Variants in FGR observed in about 807,000 individuals in gnomAD.
FGR encodes tyrosine-protein kinase Fgr.
Under a neutral mutation model 63.2 loss-of-function variants are expected in FGR, and 26 were observed. The observed-to-expected ratio is 0.41, with a 90% CI of 0.30 to 0.57. FGR has a LOEUF of 0.57. FGR is among the 20% of genes least tolerant of loss of function. The pLI, the probability that FGR is intolerant of heterozygous loss-of-function variation, is 0.27. For missense variants in FGR, 511 were observed against 690.8 expected (o/e 0.74, Z 2.92); for synonymous variants, 286 against 277.7 (o/e 1.03, Z -0.30).
intron 2 of FGR, among the ~76,000 whole-genome samples, chr1:27,624,237 T>C (rs2089981144): frequency 1.3e-5 from 2 of 152,346 alleles, no homozygotes; most frequent in African/African-American, 4.8e-5. Context: ...ATTGCTTTGC[T>C]TTTTTTGTTT....
chr1:27,614,556 G>C lies in FGR; in HGVS notation c.1123C>G (p.Arg375Gly). 6.2e-7 allele frequency: 1 copy of C among 1,614,088 alleles called. No homozygotes were observed. The highest frequency in any genetic ancestry group is 8.5e-7 in the Non-Finnish European group (1 of 1,179,950). The stretch of plus-strand genomic sequence containing the variant: ...AGGTCGCGGTGAATGTAGTTCATGC[G>C]TTCCATGTAGGCCATGCCCTCAGCT... ...QVAEGMAYME[R>G]MNYIHRDLRA... The change falls in exon 11 of 13, where the codon CGC (arginine) becomes GGC (glycine). Residue 375 changes from arginine (R) to glycine (G), a missense_variant. Transcript: ENST00000374005.
At position 27,626,748 on chromosome 1, in the gene FGR, G is replaced by A. The variant is rs1429658533; in HGVS notation, c.-76-1597C>T. Among the ~76,000 whole-genome samples, 6 of 152,228 alleles carry A rather than the reference G, an allele frequency of 3.9e-5. 1 individual carries two copies. Among genetic ancestry groups the A allele is most frequent in the Admixed American group, 3.3e-4 (5 of 15,280 alleles). Reference sequence around the variant, plus strand: ...GGGATGAAACCACTGTGTCTAAAACGCCCCAGGATGCTACAGGGCTAGTTA... The same window carrying A: ...GGGATGAAACCACTGTGTCTAAAACACCCCAGGATGCTACAGGGCTAGTTA... On this transcript the variant is annotated intron_variant, in intron 1 of 12. Transcript: ENST00000374005.
intron 3 of FGR, 135 bp downstream of exon 3, chr1:27,623,556 C>T (rs1453220244): frequency 1.1e-6 from 1 of 883,286 alleles, no homozygotes; most frequent in Non-Finnish European, 1.8e-6. Context: ...CTCCCTCAGC[C>T]CATGTGATCT....
At chr1:27,621,960 A>G (rs1557734148) in intron 4 of FGR, among the ~76,000 whole-genome samples, 1 of 152,168 alleles carries the variant, frequency 6.6e-6, no homozygotes, top group Non-Finnish European at 1.5e-5. Context: ...ACTTCCCCAC[A>G]GAAAATGGCT....
rs780928549 is a variant in FGR at position 27,623,674 on chromosome 1, C to T, written c.226+17G>A. The T allele has an allele frequency of 6.2e-6, 10 of 1,613,128 alleles. No homozygotes were observed. Among genetic ancestry groups the T allele is most frequent in the East Asian group, 2.2e-5 (1 of 44,882 alleles). ...CCAGGATCCAGGCAGCTCCTGCCTC[C>T]GACCCCTTGGACTCACCTGACACAC... On this transcript the variant is annotated intron_variant, in intron 3 of 12. Coordinates refer to ENST00000374005, the MANE Select transcript of FGR (RefSeq NM_005248.3).
chr1:27,614,916 C>A lies in FGR; in HGVS notation c.1029G>T (p.Leu343=), dbSNP rs1422620866. ...VTEFMCHGSL[L]DFLKNPEGQD... ...GGCCCTCTGGGTTCTTGAGAAAATC[C>A]AGCAAGCTGCCTGGGAAGAAGCCAG... Residue 343 remains leucine (L), a synonymous_variant, in exon 10 of 13, where the codon CTG becomes CTT. Coordinates refer to ENST00000374005, the MANE Select transcript of FGR (RefSeq NM_005248.3). 1.3e-6 allele frequency: 2 copies of A among 1,597,768 alleles called. No homozygotes were observed. The highest frequency in any genetic ancestry group is 2.7e-5 in the African/African-American group (2 of 74,680).
intron 1 of FGR, among the ~76,000 whole-genome samples, chr1:27,627,049 T>C (rs2090032906): frequency 6.6e-6 from 1 of 152,072 alleles, no homozygotes; most frequent in Admixed American, 6.5e-5. Context: ...GGCACCCACC[T>C]GTAGTCCCAG....
chr1:27,619,969 A>AT lies in FGR; in HGVS notation c.428+1589dup, dbSNP rs199645493. Among the ~76,000 whole-genome samples the AT allele has an allele frequency of 6.3e-3, 960 of 152,230 alleles. 17 individuals carry two copies. Among genetic ancestry groups the AT allele is most frequent in the African/African-American group, 0.022 (911 of 41,516 alleles). On this transcript the variant is annotated intron_variant, in intron 5 of 12. Transcript: ENST00000374005. Reference sequence around the variant, plus strand: ...ATATGTATGACATTTGTGAGGATAGATTTTTAAAAGCTTTTTGAGCCTCAG... The same window carrying AT: ...ATATGTATGACATTTGTGAGGATAGATTTTTTAAAAGCTTTTTGAGCCTCAG...
Position 27,623,907 on chromosome 1 carries a change from C to G in FGR, c.10G>C (p.Val4Leu). Residue 4 changes from valine (V) to leucine (L), a missense_variant, in exon 3 of 13, where the codon GTG (valine) becomes CTG (leucine). By Grantham distance (32) the Val-to-Leu change is conservative. Transcript: ENST00000374005. ...ACCGGCTCCAATTTCTTGCAGAACACACAGCCCATTCCAGGTTCCCTGCTA... is the reference window on the plus strand; with the variant it reads ...ACCGGCTCCAATTTCTTGCAGAACAGACAGCCCATTCCAGGTTCCCTGCTA... The part of the protein sequence containing the change: MGC[V>L]FCKKLEPVAT... 1 of 1,596,790 alleles carries G rather than the reference C, an allele frequency of 6.3e-7. No individual in the cohort carries two copies. Among genetic ancestry groups the G allele is most frequent in the South Asian group, 1.1e-5 (1 of 89,206 alleles).
At position 27,615,148 on chromosome 1, in the gene FGR, C is replaced by A. The variant is rs113042902; in HGVS notation, c.1019-222G>T. On this transcript the variant is annotated intron_variant, in intron 9 of 12. Transcript: ENST00000374005. The surrounding 1 kb of genome is among the most constrained non-coding windows in gnomAD (Gnocchi z 7.6). ...TGTTCCTTGGTGTTCCGGACACGAC[C>A]CACCCAGACTCCGCCCCAGACCCTC... Among the ~76,000 whole-genome samples the A allele has an allele frequency of 5.9e-3, 896 of 152,110 alleles. 10 individuals carry two copies. Among genetic ancestry groups the A allele is most frequent in the African/African-American group, 0.021 (858 of 41,458 alleles).
Position 27,623,712 on chromosome 1 carries a change from C to T in FGR, c.205G>A (p.Gly69Ser), listed in dbSNP as rs2089971013. Residue 69 changes from glycine to serine, a missense_variant, in exon 3 of 13, where the codon GGC becomes AGC. Physicochemically the swap from Gly to Ser is moderately conservative, Grantham distance 56. Transcript: ENST00000374005. The stretch of plus-strand genomic sequence containing the variant: ...TCACCTGACACACCCCTGATGGTGC[C>T]ACTATCAAGGAAGCCAGGGTTGATG... ...QAINPGFLDSGTIRGVSGIGV... is the reference protein window; with the variant it reads ...QAINPGFLDSSTIRGVSGIGV... 7 of 1,614,062 alleles carry T rather than the reference C, an allele frequency of 4.3e-6. No individual in the cohort carries two copies. Among genetic ancestry groups the T allele is most frequent in the African/African-American group, 1.3e-5 (1 of 74,922 alleles).
chr1:27,618,929 C>T (rs1485801321), intron 5 of FGR, among the ~76,000 whole-genome samples: 2 of 152,234 alleles, frequency 1.3e-5, no homozygotes, highest in Non-Finnish European at 2.9e-5. Flanking sequence ...GCCTCCGCCT[C>T]CCACCCTCAC....
At chr1:27,627,240 C>T (rs1240929892) in intron 1 of FGR, among the ~76,000 whole-genome samples, 1 of 152,038 alleles carries the variant, frequency 6.6e-6, no homozygotes, top group Non-Finnish European at 1.5e-5. Flanking sequence ...CACACATACA[C>T]ACCTCAAATG....
In FGR at chr1:27,616,751, CTGGCCAA is replaced by C; in HGVS notation, c.682+99_682+105del. ...CCCATCCTTGGGTTCTGGTTTCCGT[CTGGCCAA>C]TACTGCTTGGTAGTCCCTTCCCTTC... On this transcript the variant is annotated intron_variant, in intron 7 of 12. Coordinates refer to ENST00000374005, the MANE Select transcript of FGR (RefSeq NM_005248.3). The surrounding 1 kb of genome is among the most constrained non-coding windows in gnomAD (Gnocchi z 4.3). The C allele has an allele frequency of 7.9e-7, 1 of 1,270,818 alleles. No individual in the cohort carries two copies. The highest frequency in any genetic ancestry group is 1.3e-5 in the South Asian group (1 of 76,946). The allele number at this position is 1,270,818 out of a possible 1,614,324, so 78.7% of individuals were successfully genotyped here. A position where few individuals can be genotyped will look rare whatever the true frequency, so the allele number is the denominator to read the frequency against.
At position 27,635,183 on chromosome 1, in the gene FGR, A is replaced by C. The variant is rs1006387067; in HGVS notation, c.-195T>G. 1 of 152,284 alleles carries C rather than the reference A, an allele frequency of 6.6e-6. No homozygotes were observed. Among genetic ancestry groups the C allele is most frequent in the Admixed American group, 6.5e-5 (1 of 15,282 alleles). The allele number at this position is 152,284 out of a possible 1,614,324, so 9.4% of individuals were successfully genotyped here. A position where few individuals can be genotyped will look rare whatever the true frequency, so the allele number is the denominator to read the frequency against. ...CCTCTGACCGCCGCCCCTGCTGGGC[A>C]GGGAGGAGGAAGCCGCCTCGGACTT... On this transcript the variant is annotated 5_prime_UTR_variant, in exon 1 of 13. Coordinates refer to ENST00000374005, the MANE Select transcript of FGR (RefSeq NM_005248.3).
At position 27,616,720 on chromosome 1, in the gene FGR, GCAGACCC is replaced by G; in HGVS notation, c.682+130_682+136del. 1.1e-6 allele frequency: 1 copy of G among 884,918 alleles called. No individual in the cohort carries two copies. Among genetic ancestry groups the G allele is most frequent in the Non-Finnish European group, 1.8e-6 (1 of 565,458 alleles). 54.8% of individuals were successfully genotyped at this position (884,918 alleles called of 1,614,324 possible). A position where few individuals can be genotyped will look rare whatever the true frequency, so the allele number is the denominator to read the frequency against. ...GCTCACAGAGCTGGATCCTGGGCTG[GCAGACCC>G]CATCCTTGGGTTCTGGTTTCCGTCT... On this transcript the variant is annotated intron_variant, in intron 7 of 12. Transcript: ENST00000374005. The surrounding 1 kb of genome is among the most constrained non-coding windows in gnomAD (Gnocchi z 4.3).
chr1:27,617,211 C>T lies in FGR; in HGVS notation c.514G>A (p.Glu172Lys), dbSNP rs774524869. Residue 172 changes from glutamate (E) to lysine (K), a missense_variant, in exon 6 of 13, where the codon GAA becomes AAA. Transcript: ENST00000374005. This position sits in a 1 kb window ranked among gnomAD's most constrained non-coding sequence, Gnocchi z 4.5. The stretch of plus-strand genomic sequence containing the variant: ...CCCCTACCTTTGGTGGTCTCGCTTT[C>T]CCGAATGAGAAAGGCCCCCTGGGGG... ...GNPQGAFLIR[E>K]SETTKGAYSL... 6.2e-7 allele frequency: 1 copy of T among 1,614,124 alleles called. No homozygotes were observed. Among genetic ancestry groups the T allele is most frequent in the Non-Finnish European group, 8.5e-7 (1 of 1,179,982 alleles).
At chr1:27,620,586 C>T (rs2089902179) in intron 5 of FGR, among the ~76,000 whole-genome samples, 1 of 152,060 alleles carries the variant, frequency 6.6e-6, no homozygotes, top group African/African-American at 2.4e-5. Context: ...CACTGTACCC[C>T]AGCCTGGGCA....
intron 1 of FGR, chr1:27,626,463 T>C: frequency 3.0e-6 from 1 of 335,588 alleles, no homozygotes; most frequent in Non-Finnish European, 5.4e-6. Context: ...CACTCACCTC[T>C]TCCAGAAAGT....
Sources: gnomAD v4.1 joint callset for allele counts (sites outside exome capture counted in the v4.1 genomes callset) on GRCh38, gnomAD v4.1.1 for gene constraint, Gnocchi (gnomAD v3.1) non-coding constraint, MANE v1.5 for transcripts, NCBI Gene and HGNC (gene_info 2026-07-23, HGNC 2026-07-21) for gene names.